The following RANBP2 variants were observed in gnomAD, a reference collection of about 807,000 sequenced individuals.
The protein encoded by RANBP2 is E3 SUMO-protein ligase RanBP2.
RANBP2 carries 57 observed loss-of-function variants against 303.6 expected under a neutral mutation model. That is an observed-to-expected ratio of 0.19 (90% CI 0.15 to 0.23). The LOEUF (loss-of-function observed/expected upper bound fraction) is 0.23, where lower values mean the gene tolerates loss of function less well. RANBP2 is among the 10% of genes least tolerant of loss of function. The pLI is 1.00. For synonymous variants in RANBP2, 1,167 were observed against 1,301.5 expected, an observed-to-expected ratio of 0.90 and a Z score of 2.23; for missense variants, 3,138 against 3,780.8, an observed-to-expected ratio of 0.83 and a Z score of 4.46.
chr2:109,622,220 G>A, the RANBP2 span, among the ~76,000 whole-genome samples: 2 of 152,144 alleles, frequency 1.3e-5, no homozygotes, highest in Non-Finnish European at 2.9e-5. Flanking sequence ...CCAAATAGCT[G>A]CTACTTGCCC....
the RANBP2 span, among the ~76,000 whole-genome samples, chr2:109,580,362 A>T: frequency 6.6e-6 from 1 of 151,830 alleles, no homozygotes; most frequent in Non-Finnish European, 1.5e-5. Context: ...AAAAAAAAAA[A>T]AAATCTGGTG....
the RANBP2 span, among the ~76,000 whole-genome samples, chr2:108,932,363 C>T: frequency 2.6e-5 from 4 of 151,580 alleles, no homozygotes; most frequent in Non-Finnish European, 5.9e-5. Context: ...CTCGTCTCTA[C>T]TAAAAATACA....
the RANBP2 span, among the ~76,000 whole-genome samples, chr2:109,194,711 C>G: frequency 7.9e-5 from 12 of 152,150 alleles, no homozygotes; most frequent in Non-Finnish European, 1.5e-4. Context: ...TTCATTCCCT[C>G]CACCCTAAAC....
the RANBP2 span, among the ~76,000 whole-genome samples, chr2:109,054,977 A>G: frequency 6.6e-6 from 1 of 152,174 alleles, no homozygotes; most frequent in Non-Finnish European, 1.5e-5. Flanking sequence ...GCTGGCATGT[A>G]CACATCCTGA....
chr2:109,324,213 G>A, the RANBP2 span, among the ~76,000 whole-genome samples: 4 of 152,184 alleles, frequency 2.6e-5, no homozygotes, highest in Non-Finnish European at 4.4e-5. Context: ...TTAATCAGTG[G>A]ATGGACATCT....
At chr2:109,521,081 G>A in the RANBP2 span, among the ~76,000 whole-genome samples, 1 of 152,106 alleles carries the variant, frequency 6.6e-6, no homozygotes, top group African/African-American at 2.4e-5. Context: ...GCCGGGCGTG[G>A]TGGCGGGCAC....
chr2:109,642,220 G>A, the RANBP2 span, among the ~76,000 whole-genome samples: 4 of 152,238 alleles, frequency 2.6e-5, no homozygotes, highest in South Asian at 8.3e-4. Context: ...ACTGCACCTG[G>A]CTGCTTTCAG....
At chr2:108,815,792 T>G in the RANBP2 span, 4 of 660,842 alleles carry the variant, frequency 6.1e-6, no homozygotes, top group Admixed American at 1.0e-4. Flanking sequence ...TTTGGAATTC[T>G]TTTGTTTGTT....
At chr2:109,078,098 A>ATATAGCGTG in the RANBP2 span, among the ~76,000 whole-genome samples, 85 of 60,054 alleles carry the variant, frequency 1.4e-3, 6 homozygotes, top group Middle Eastern at 0.014. Flanking sequence ...ATATATATAT[A>ATATAGCGTG]TATATATATA....
the RANBP2 span, among the ~76,000 whole-genome samples, chr2:109,341,352 A>G: frequency 6.6e-6 from 1 of 152,252 alleles, no homozygotes; most frequent in African/African-American, 2.4e-5. Flanking sequence ...TAAATGCATT[A>G]TTTAAAATAA....
the RANBP2 span, among the ~76,000 whole-genome samples, chr2:109,428,494 C>T: frequency 6.2e-3 from 940 of 152,320 alleles, 7 homozygotes; most frequent in African/African-American, 0.021. Flanking sequence ...GTCTGTGCAC[C>T]GTCCCGGGTG....
the RANBP2 span, among the ~76,000 whole-genome samples, chr2:109,086,805 C>T: frequency 1.3e-5 from 2 of 152,152 alleles, no homozygotes; most frequent in Non-Finnish European, 2.9e-5. Context: ...CAGAGAGACC[C>T]AGGAAAGGAG....
At chr2:108,724,441 C>T (rs1023655143) in intron 1 of RANBP2, among the ~76,000 whole-genome samples, 1 of 152,086 alleles carries the variant, frequency 6.6e-6, no homozygotes, top group Non-Finnish European at 1.5e-5. Context: ...ATTTGGTTAT[C>T]GAATTCTGAG....
the RANBP2 span, among the ~76,000 whole-genome samples, chr2:109,718,119 G>A: frequency 2.0e-5 from 3 of 152,180 alleles, no homozygotes; most frequent in Admixed American, 6.5e-5. Context: ...ACATATTGCT[G>A]GTGGAAATGT....
chr2:108,743,066 G>T (rs1431249340), intron 7 of RANBP2, among the ~76,000 whole-genome samples: 5 of 152,206 alleles, frequency 3.3e-5, no homozygotes, highest in African/African-American at 1.2e-4. Flanking sequence ...TGGCATTATA[G>T]GCGTGAGCCA....
the RANBP2 span, among the ~76,000 whole-genome samples, chr2:108,846,479 G>C: frequency 1.3e-5 from 2 of 150,386 alleles, no homozygotes; most frequent in East Asian, 3.9e-4. Flanking sequence ...AAGAGTTCGA[G>C]ACCAGCCTCA....
chr2:109,162,418 A>AT, the RANBP2 span, among the ~76,000 whole-genome samples: 22 of 151,860 alleles, frequency 1.4e-4, no homozygotes, highest in Admixed American at 1.3e-4. Flanking sequence ...TTTATTTTTA[A>AT]TTTTTTTTAT....
At chr2:108,838,400 A>G in the RANBP2 span, among the ~76,000 whole-genome samples, 10 of 152,230 alleles carry the variant, frequency 6.6e-5, no homozygotes, top group Admixed American at 2.0e-4. Flanking sequence ...TACAGTTGAC[A>G]TAACCATTTT....
chr2:108,975,501 G>A, the RANBP2 span, among the ~76,000 whole-genome samples: 5 of 152,206 alleles, frequency 3.3e-5, no homozygotes, highest in Admixed American at 6.5e-5. Context: ...GTCAACCCGC[G>A]GTAGCTTGGT....
Sources: allele counts gnomAD v4.1 joint callset (sites outside exome capture counted in the v4.1 genomes callset), GRCh38; gene constraint gnomAD v4.1.1; transcripts MANE v1.5; gene names NCBI Gene and HGNC (gene_info 2026-07-23, HGNC 2026-07-21).